FGD4: variants seen among roughly 807,000 people sequenced by gnomAD.
FGD4 encodes the protein FYVE, RhoGEF and PH domain-containing protein 4.
A neutral mutation model predicts 102.0 loss-of-function variants in FGD4; 42 were observed. The ratio of observed to expected loss-of-function variants is 0.41; its 90% confidence interval spans 0.32 to 0.53. The LOEUF is 0.53. Ranked by LOEUF, FGD4 falls within the 20% of genes least tolerant of loss-of-function variation. The pLI is 0.21. For synonymous variants in FGD4, 380 were observed against 375.7 expected (o/e 1.01, Z -0.13); for missense variants, 902 against 1,078.2 (o/e 0.84, Z 2.29).
chr12:32,577,956 C>T (rs11052086), intron 3 of FGD4, among the ~76,000 whole-genome samples: 3,528 of 152,208 alleles, frequency 0.023, 126 homozygotes, highest in African/African-American at 0.08. Flanking sequence ...CCAAAGGCTG[C>T]GTCCTCTCAT....
At chr12:32,615,339 T>C (rs1048231388) in intron 10 of FGD4, among the ~76,000 whole-genome samples, 1 of 152,190 alleles carries the variant, frequency 6.6e-6, no homozygotes, top group Admixed American at 6.5e-5. Context: ...GATATGAGGT[T>C]TCCTTTTAGA....
At chr12:32,578,231 A>G (rs1592280860) in intron 3 of FGD4, among the ~76,000 whole-genome samples, 1 of 152,160 alleles carries the variant, frequency 6.6e-6, no homozygotes, top group East Asian at 1.9e-4. Flanking sequence ...GGTAGAGTCC[A>G]CTGCCGATAC....
intron 4 of FGD4, among the ~76,000 whole-genome samples, chr12:32,591,497 T>G (rs1324352152): frequency 6.6e-6 from 1 of 152,238 alleles, no homozygotes; most frequent in Admixed American, 6.5e-5. Context: ...AAATCATAAT[T>G]GTTTTTAGCA....
intron 1 of FGD4, among the ~76,000 whole-genome samples, chr12:32,458,866 G>A (rs1302726784): frequency 6.6e-6 from 1 of 152,190 alleles, no homozygotes; most frequent in African/African-American, 2.4e-5. Context: ...CACCCATTCT[G>A]TAGGGATACA....
At chr12:32,560,682 A>T (rs1487056506) in intron 1 of FGD4, among the ~76,000 whole-genome samples, 1 of 151,630 alleles carries the variant, frequency 6.6e-6, no homozygotes. Flanking sequence ...GATGAGGACC[A>T]CCCCTGCCTT....
In FGD4 at chr12:32,534,189, T is replaced by C. The variant is rs1418228286; in HGVS notation, c.167-29948T>C. On this transcript the variant is annotated intron_variant, in intron 1 of 16. Transcript: ENST00000534526. Reference sequence around the variant, plus strand: ...GCCTCAGTTGTTTACTTTACTTTGATAAATAGAAGTCTCTCTGTGCTCATA... The same window carrying C: ...GCCTCAGTTGTTTACTTTACTTTGACAAATAGAAGTCTCTCTGTGCTCATA... The C allele has an allele frequency of 5.8e-6, 4 of 693,722 alleles. No individual in the cohort carries two copies. The Admixed American group carries it at 2.0e-4, about 34-fold the overall frequency. The allele number at this position is 693,722 out of a possible 1,614,324, so 43.0% of individuals were successfully genotyped here.
At chr12:32,455,377 T>TAA (rs1453839886) in intron 1 of FGD4, among the ~76,000 whole-genome samples, 2 of 152,192 alleles carry the variant, frequency 1.3e-5, no homozygotes, top group East Asian at 3.9e-4. Context: ...ATATTCCTTT[T>TAA]AGATAGTTTA....
intron 14 of FGD4, among the ~76,000 whole-genome samples, chr12:32,629,744 A>C (rs910183890): frequency 6.6e-6 from 1 of 152,084 alleles, no homozygotes; most frequent in Non-Finnish European, 1.5e-5. Flanking sequence ...AATTATTTCC[A>C]AAAGTTTTTC....
chr12:32,530,941 G>GTTTT (rs768536136), intron 1 of FGD4, among the ~76,000 whole-genome samples: 1,949 of 70,484 alleles, frequency 0.028, 348 homozygotes, highest in African/African-American at 0.035. Flanking sequence ...CCTAGCTTTG[G>GTTTT]TTTTTTTTTT....
At chr12:32,480,799 T>C (rs1943737589) in intron 1 of FGD4, among the ~76,000 whole-genome samples, 1 of 118,318 alleles carries the variant, frequency 8.5e-6, no homozygotes. Context: ...ACGCCCGGCC[T>C]TTTTTTTTTT....
chr12:32,437,440 A>G (rs1375317640), intron 1 of FGD4, among the ~76,000 whole-genome samples: 1 of 152,220 alleles, frequency 6.6e-6, no homozygotes, highest in Non-Finnish European at 1.5e-5. Flanking sequence ...ACGATGAGCG[A>G]GGCGAGGTGT....
chr12:32,629,989 T>C (rs1950404540), intron 14 of FGD4, among the ~76,000 whole-genome samples: 1 of 152,206 alleles, frequency 6.6e-6, no homozygotes, highest in African/African-American at 2.4e-5. Context: ...ATTATCTTCC[T>C]TTCATAAGTT....
At chr12:32,432,381 C>T (rs1362264998) in intron 1 of FGD4, among the ~76,000 whole-genome samples, 2 of 151,124 alleles carry the variant, frequency 1.3e-5, no homozygotes, top group African/African-American at 4.8e-5. Context: ...TTTGGGACGC[C>T]GAGGCGGGTG....
chr12:32,580,458 C>A (rs796351107), intron 3 of FGD4, among the ~76,000 whole-genome samples: 4 of 152,258 alleles, frequency 2.6e-5, no homozygotes, highest in African/African-American at 7.2e-5. Context: ...AGGAGTAAAG[C>A]AGAGAGGAAG....
chr12:32,400,216 A>G (rs1441321426), intron 1 of FGD4, among the ~76,000 whole-genome samples: 1 of 152,216 alleles, frequency 6.6e-6, no homozygotes, highest in African/African-American at 2.4e-5. Flanking sequence ...CAGAAAGTAC[A>G]GGTAGAATTC....
intron 1 of FGD4, among the ~76,000 whole-genome samples, chr12:32,439,985 G>A (rs1468201964): frequency 6.6e-6 from 1 of 152,038 alleles, no homozygotes; most frequent in East Asian, 1.9e-4. Flanking sequence ...CAGAACTTCT[G>A]CATGATTCTT....
At chr12:32,469,317 C>T (rs956910349) in intron 1 of FGD4, among the ~76,000 whole-genome samples, 3 of 151,930 alleles carry the variant, frequency 2.0e-5, no homozygotes, top group Non-Finnish European at 2.9e-5. Flanking sequence ...CTTGCTCTGT[C>T]GCCCAGGCTG....
intron 10 of FGD4, among the ~76,000 whole-genome samples, chr12:32,614,744 T>C (rs1949348364): frequency 1.3e-5 from 2 of 152,252 alleles, no homozygotes; most frequent in Non-Finnish European, 2.9e-5. Flanking sequence ...CAGTTAATAG[T>C]GTAAAAACTA....
At chr12:32,606,748 T>A (rs1219900918) in intron 7 of FGD4, among the ~76,000 whole-genome samples, 1 of 152,214 alleles carries the variant, frequency 6.6e-6, no homozygotes, top group African/African-American at 2.4e-5. Context: ...TTAATGGGAT[T>A]TCTGCTTTGT....
Sources: gnomAD v4.1 joint callset for allele counts (sites outside exome capture counted in the v4.1 genomes callset) on GRCh38, gnomAD v4.1.1 for gene constraint, MANE v1.5 for transcripts, NCBI Gene and HGNC (gene_info 2026-07-23, HGNC 2026-07-21) for gene names.